Variants in CSMD3 observed in about 807,000 individuals in gnomAD.
The protein encoded by CSMD3 is CUB and sushi domain-containing protein 3.
In CSMD3, 177 loss-of-function variants were observed where a neutral mutation model predicts 435.2. The ratio of observed to expected loss-of-function variants is 0.41; its 90% confidence interval spans 0.36 to 0.46. The LOEUF (loss-of-function observed/expected upper bound fraction) is 0.46. Among genes scored for constraint, CSMD3 ranks in the 20% least tolerant of loss-of-function variants. The pLI is 0.34. For synonymous variants in CSMD3, 1,656 were observed against 1,520.5 expected (o/e 1.09, Z -2.07); for missense variants, 4,265 against 4,504.6 (o/e 0.95, Z 1.52).
At chr8:112,307,047 A>T (rs1216853017) in intron 50 of CSMD3, among the ~76,000 whole-genome samples, 1 of 151,874 alleles carries the variant, frequency 6.6e-6, no homozygotes. Context: ...AAAAAAACAC[A>T]TAATCTTTCA....
intron 5 of CSMD3, among the ~76,000 whole-genome samples, chr8:113,027,846 A>G (rs542977711): frequency 4.6e-5 from 7 of 152,088 alleles, no homozygotes; most frequent in Admixed American, 1.3e-4. Context: ...AATGGATCTT[A>G]TAGATCTGGG....
intron 3 of CSMD3, among the ~76,000 whole-genome samples, chr8:113,174,806 CAA>C (rs2092323251): frequency 6.6e-6 from 1 of 151,770 alleles, no homozygotes; most frequent in East Asian, 1.9e-4. Context: ...AATAAAAACA[CAA>C]ACAGTAATTA....
chr8:113,385,426 A>G (rs1367860118), intron 1 of CSMD3, among the ~76,000 whole-genome samples: 1 of 152,136 alleles, frequency 6.6e-6, no homozygotes, highest in Non-Finnish European at 1.5e-5. Flanking sequence ...AGTCATTATG[A>G]TGTAATGTGT....
intron 1 of CSMD3, among the ~76,000 whole-genome samples, chr8:113,420,929 C>A (rs1283124033): frequency 1.3e-5 from 2 of 149,370 alleles, no homozygotes; most frequent in African/African-American, 2.5e-5. Flanking sequence ...AATGAGATTC[C>A]GTTTAAAAAA....
At chr8:112,515,933 C>T (rs1296535591) in intron 28 of CSMD3, among the ~76,000 whole-genome samples, 2 of 151,908 alleles carry the variant, frequency 1.3e-5, no homozygotes, top group African/African-American at 4.8e-5. Flanking sequence ...TAATTTCCCA[C>T]TGTTTAGAAC....
intron 16 of CSMD3, among the ~76,000 whole-genome samples, chr8:112,670,069 G>C (rs570226139): frequency 6.6e-6 from 1 of 152,166 alleles, no homozygotes; most frequent in South Asian, 2.1e-4. Flanking sequence ...TATGTCCACA[G>C]TACAAGGGGC....
intron 13 of CSMD3, among the ~76,000 whole-genome samples, chr8:112,792,988 A>G (rs2078728784): frequency 6.6e-6 from 1 of 151,712 alleles, no homozygotes; most frequent in African/African-American, 2.4e-5. Context: ...TCTTTCTGCC[A>G]TTATCAATCA....
intron 2 of CSMD3, chr8:113,313,764 A>T: frequency 6.6e-6 from 1 of 152,206 alleles, no homozygotes; most frequent in Non-Finnish European, 1.5e-5. Flanking sequence ...TTACAAGTTT[A>T]AAAAAGCTTA....
At chr8:112,826,874 C>G (rs2079696647) in intron 12 of CSMD3, among the ~76,000 whole-genome samples, 1 of 151,912 alleles carries the variant, frequency 6.6e-6, no homozygotes, top group African/African-American at 2.4e-5. Flanking sequence ...ACTTGGTATT[C>G]TTTTGAAAAA....
At chr8:113,391,100 C>G (rs532083335) in intron 1 of CSMD3, among the ~76,000 whole-genome samples, 6 of 151,878 alleles carry the variant, frequency 4.0e-5, no homozygotes, top group African/African-American at 1.4e-4. Context: ...GGCAAACTCT[C>G]GCATATCCCA....
At chr8:113,026,052 G>C (rs1404025025) in intron 5 of CSMD3, among the ~76,000 whole-genome samples, 2 of 152,170 alleles carry the variant, frequency 1.3e-5, no homozygotes, top group African/African-American at 4.8e-5. Context: ...CACAGGGATA[G>C]GGGGTGCACA....
intron 22 of CSMD3, among the ~76,000 whole-genome samples, chr8:112,631,973 GCTGA>G (rs2074527699): frequency 6.6e-6 from 1 of 151,918 alleles, no homozygotes. Flanking sequence ...TATCTGCAAT[GCTGA>G]CTAACTGGAT....
chr8:112,348,817 T>C (rs1483919065), intron 40 of CSMD3, among the ~76,000 whole-genome samples: 2 of 152,262 alleles, frequency 1.3e-5, no homozygotes, highest in Admixed American at 6.5e-5. Context: ...TGATACTTTA[T>C]CTACTAAAAA....
At chr8:112,310,820 T>C (rs1234525569) in intron 50 of CSMD3, 158 bp downstream of exon 50, 6 of 718,618 alleles carry the variant, frequency 8.3e-6, no homozygotes, top group Non-Finnish European at 1.5e-5. Context: ...CCCTGGAATT[T>C]ATCATTCTGC....
At chr8:112,970,790 C>T (rs1309499698) in intron 7 of CSMD3, among the ~76,000 whole-genome samples, 2 of 150,840 alleles carry the variant, frequency 1.3e-5, no homozygotes, top group South Asian at 2.1e-4. Context: ...GGTGCGATCT[C>T]GGCTCACTGC....
chr8:113,255,877 AT>A (rs2093376055), intron 3 of CSMD3, among the ~76,000 whole-genome samples: 1 of 151,922 alleles, frequency 6.6e-6, no homozygotes, highest in Non-Finnish European at 1.5e-5. Context: ...ACATCCCTTG[AT>A]TTTATACTTT....
rs984497006 is a variant in CSMD3, at chr8:112,550,724, T to C, written c.4511A>G (p.Gln1504Arg). 24 of 1,608,182 alleles carry C rather than the reference T, an allele frequency of 1.5e-5. No homozygotes were observed. Among genetic ancestry groups the C allele is most frequent in the Non-Finnish European group, 1.6e-5 (19 of 1,175,042 alleles). ...GCTAATATAAAAATCCGTGTCAAAC[T>C]GGATGGTTACTATATTGAGGGTGCT... ...IHSTLNIVTI[Q>R]FDTDFYISKS... is the part of the protein sequence containing the mutation. The change falls in exon 27 of 71, where the codon CAG becomes CGG. Residue 1504 changes from glutamine (Q) to arginine (R), a missense_variant. Coordinates refer to ENST00000297405, the MANE Select transcript of CSMD3 (RefSeq NM_198123.2).
intron 53 of CSMD3, among the ~76,000 whole-genome samples, chr8:112,297,398 T>G (rs915890889): frequency 2.6e-5 from 4 of 152,080 alleles, no homozygotes; most frequent in Non-Finnish European, 5.9e-5. Context: ...CATGATTATC[T>G]GGGATTTATC....
At chr8:113,293,890 C>T (rs1429533895) in intron 2 of CSMD3, among the ~76,000 whole-genome samples, 1 of 152,072 alleles carries the variant, frequency 6.6e-6, no homozygotes, top group Non-Finnish European at 1.5e-5. Context: ...CATTTAGTTA[C>T]AGTTAACTGA....
Sources: gnomAD v4.1 joint callset for allele counts (sites outside exome capture counted in the v4.1 genomes callset) on GRCh38, gnomAD v4.1.1 for gene constraint, MANE v1.5 for transcripts, NCBI Gene and HGNC (gene_info 2026-07-23, HGNC 2026-07-21) for gene names.